EMC2: variants seen among roughly 807,000 people sequenced by gnomAD.
EMC2 encodes the protein TPR repeat protein 35.
In EMC2, 37 loss-of-function variants were observed where a neutral mutation model predicts 51.6. That is an observed-to-expected ratio of 0.72 (90% confidence interval 0.55 to 0.94). The LOEUF is 0.94. Among genes scored for constraint, EMC2 ranks in the 40% least tolerant of loss-of-function variants. The probability of loss-of-function intolerance (pLI) is 0.00; values close to 1 mark genes in which losing one functional copy is unlikely to be tolerated. For missense variants in EMC2, 359 were observed against 350.9 expected, an observed-to-expected ratio of 1.02 and a Z score of -0.18; for synonymous variants, 131 against 112.4, an observed-to-expected ratio of 1.17 and a Z score of -1.04.
At chr8:108,480,270 A>C (rs954666021) in intron 10 of EMC2, among the ~76,000 whole-genome samples, 2 of 152,068 alleles carry the variant, frequency 1.3e-5, no homozygotes, top group African/African-American at 4.8e-5. Flanking sequence ...TTTTATAAAA[A>C]TATGAATTTG....
intron 1 of EMC2, among the ~76,000 whole-genome samples, chr8:108,449,475 G>T (rs773914421): frequency 6.6e-6 from 1 of 152,136 alleles, no homozygotes; most frequent in Admixed American, 6.5e-5. Context: ...GTTTCGCCAC[G>T]TTGGCCAGGC....
At chr8:108,476,697 A>G (rs1586191713) in intron 8 of EMC2, 85 bp from the exon 9 acceptor site, 2 of 658,786 alleles carry the variant, frequency 3.0e-6, no homozygotes, top group East Asian at 5.4e-5. Context: ...TGTTTCGATT[A>G]CTGAATGCCT....
chr8:108,475,772 G>A, intron 7 of EMC2, 110 bp from the exon 8 acceptor site: 1 of 589,264 alleles, frequency 1.7e-6, no homozygotes, highest in Non-Finnish European at 3.0e-6. Flanking sequence ...AATTATATTG[G>A]GAATAAATTG....
chr8:108,443,794 CTT>C, intron 1 of EMC2, 96 bp downstream of exon 1: 1 of 1,093,766 alleles, frequency 9.1e-7, no homozygotes, highest in Non-Finnish European at 1.4e-6. Flanking sequence ...TCTCTGGTGT[CTT>C]TTTGGTACCA....
intron 5 of EMC2, among the ~76,000 whole-genome samples, chr8:108,465,817 T>C (rs908512079): frequency 6.6e-6 from 1 of 152,062 alleles, no homozygotes; most frequent in African/African-American, 2.4e-5. Context: ...ATTTTGTTAA[T>C]TTTTAAAAAA....
intron 10 of EMC2, among the ~76,000 whole-genome samples, chr8:108,482,456 GTGTTC>G (rs1811060291): frequency 6.6e-6 from 1 of 151,924 alleles, no homozygotes; most frequent in African/African-American, 2.4e-5. Flanking sequence ...TGTGTTTTTT[GTGTTC>G]TGTTTAAGAA....
At chr8:108,479,515 A>G (rs547091155) in intron 10 of EMC2, among the ~76,000 whole-genome samples, 3 of 152,248 alleles carry the variant, frequency 2.0e-5, no homozygotes, top group South Asian at 2.1e-4. Context: ...CTGCATAACA[A>G]AGTTTGTGCA....
chr8:108,471,447 T>C (rs971272151), intron 7 of EMC2, among the ~76,000 whole-genome samples: 1 of 151,860 alleles, frequency 6.6e-6, no homozygotes, highest in Non-Finnish European at 1.5e-5. Context: ...GCAGAAAATT[T>C]GAGAAACACA....
rs869162246 is a variant in EMC2, at chr8:108,456,332, CA to C, written c.363+417del. Among the ~76,000 whole-genome samples the C allele has an allele frequency of 6.8e-4, 16 of 23,606 alleles. 1 individual carries two copies. The highest frequency in any genetic ancestry group is 1.9e-3 in the Admixed American group (4 of 2,094). The allele number at this position is 23,606 out of a possible 152,430, so 15.5% of individuals were successfully genotyped here. On this transcript the variant is annotated intron_variant, in intron 5 of 10. Coordinates refer to ENST00000220853, the MANE Select transcript of EMC2 (RefSeq NM_014673.5). ...TGGGCGACAGAGCAAGACTTCGTGT[CA>C]AAAAAAAAAAAAAAGAAAAAAAAAA...
chr8:108,473,393 T>A (rs1251890224), intron 7 of EMC2, among the ~76,000 whole-genome samples: 3 of 152,044 alleles, frequency 2.0e-5, no homozygotes, highest in Non-Finnish European at 4.4e-5. Context: ...ATTTTGGATT[T>A]GGGATTTTTG....
At chr8:108,458,811 A>G (rs1308462624) in intron 5 of EMC2, among the ~76,000 whole-genome samples, 2 of 152,198 alleles carry the variant, frequency 1.3e-5, no homozygotes, top group Non-Finnish European at 2.9e-5. Flanking sequence ...CTTGTTACTT[A>G]TGCAAATTTC....
At chr8:108,483,479 A>G (rs1478209270) in intron 10 of EMC2, among the ~76,000 whole-genome samples, 2 of 152,184 alleles carry the variant, frequency 1.3e-5, no homozygotes, top group East Asian at 3.8e-4. Flanking sequence ...TGTATAAATG[A>G]GTTCATAGGT....
intron 3 of EMC2, among the ~76,000 whole-genome samples, chr8:108,451,706 TA>T (rs981248683): frequency 1.3e-5 from 2 of 152,212 alleles, no homozygotes; most frequent in African/African-American, 4.8e-5. Flanking sequence ...TTTTTATTTT[TA>T]TTTTTTTTGA....
chr8:108,485,496 A>G (rs906967884), intron 10 of EMC2, among the ~76,000 whole-genome samples: 6 of 144,566 alleles, frequency 4.2e-5, no homozygotes, highest in African/African-American at 1.3e-4. Flanking sequence ...TATAAAATAT[A>G]TACATAATAT....
rs754634918 is a variant in EMC2, at chr8:108,470,027, T to TAC, written c.450-30_450-29dup. On this transcript the variant is annotated intron_variant, in intron 6 of 10. Coordinates refer to ENST00000220853, the MANE Select transcript of EMC2 (RefSeq NM_014673.5). ...TCATGCTGTTCATTTACAGAATATCTACACACTTACTTTTTTTTCTTTTCC... is the reference window on the plus strand; with the variant it reads ...TCATGCTGTTCATTTACAGAATATCTACACACACTTACTTTTTTTTCTTTTCC... The TAC allele has an allele frequency of 1.3e-5, 21 of 1,591,218 alleles. No homozygotes were observed. The South Asian group carries it at 2.2e-4, about 17-fold the overall frequency.
chr8:108,465,262 A>G (rs1819440172), intron 5 of EMC2, among the ~76,000 whole-genome samples: 1 of 152,130 alleles, frequency 6.6e-6, no homozygotes, highest in East Asian at 1.9e-4. Context: ...TTAGTTGGGA[A>G]AATCTTACAG....
At chr8:108,466,325 G>A (rs1344299013) in intron 5 of EMC2, among the ~76,000 whole-genome samples, 1 of 151,978 alleles carries the variant, frequency 6.6e-6, no homozygotes, top group East Asian at 1.9e-4. Flanking sequence ...GTCAGTTAAC[G>A]AGACTGTACT....
chr8:108,455,323 A>C (rs1371107418), intron 4 of EMC2, among the ~76,000 whole-genome samples: 2 of 152,092 alleles, frequency 1.3e-5, no homozygotes, highest in Non-Finnish European at 2.9e-5. Context: ...AGTTATGCCC[A>C]ATCTACTGAT....
chr8:108,469,699 A>T (rs908523802), intron 5 of EMC2, 127 bp from the exon 6 acceptor site: 5 of 702,732 alleles, frequency 7.1e-6, no homozygotes, highest in Non-Finnish European at 9.8e-6. Context: ...ATAAACTCCC[A>T]CTAAGCAGTA....
Sources: gnomAD v4.1 joint callset for allele counts (sites outside exome capture counted in the v4.1 genomes callset) on GRCh38, gnomAD v4.1.1 for gene constraint, MANE v1.5 for transcripts, NCBI Gene and HGNC (gene_info 2026-07-23, HGNC 2026-07-21) for gene names.